The following NRG1 variants were observed in gnomAD, a reference collection of about 807,000 sequenced individuals.
NRG1 encodes the protein neuregulin 1, also known as pro-neuregulin-1, membrane-bound isoform.
In NRG1, 18 loss-of-function variants were observed where a neutral mutation model predicts 63.8. The observed-to-expected ratio is 0.28, with a 90% confidence interval of 0.19 to 0.42. NRG1 has a LOEUF of 0.42. Among genes scored for constraint, NRG1 ranks in the 10% least tolerant of loss-of-function variants. The pLI, the probability that NRG1 is intolerant of heterozygous loss-of-function variation, is 1.00. For synonymous variants in NRG1, 302 were observed against 301.3 expected, an observed-to-expected ratio of 1.00 and a Z score of -0.02; for missense variants, 762 against 814.7, an observed-to-expected ratio of 0.94 and a Z score of 0.79.
Position 32,508,230 on chromosome 8 carries a change from T to C in NRG1, c.38-87598T>C, listed in dbSNP as rs772286278. ...AGGTCAACCTGGGCAATATACAATA[T>C]AGTGAGGCCCTGTAGAGATCTATAA... On this transcript the variant is annotated intron_variant, in intron 1 of 10. Transcript: ENST00000519301. Among the ~76,000 whole-genome samples the C allele has an allele frequency of 8.0e-4, 122 of 152,014 alleles. 1 individual carries two copies. Among genetic ancestry groups the C allele is most frequent in the Middle Eastern group, 3.4e-3 (1 of 294 alleles).
At chr8:32,479,825 A>G (rs1825017493) in intron 1 of NRG1, among the ~76,000 whole-genome samples, 1 of 151,602 alleles carries the variant, frequency 6.6e-6, no homozygotes, top group Non-Finnish European at 1.5e-5. Context: ...AATTTTTTCT[A>G]TTTTGGCAGG....
At chr8:32,223,196 T>C (rs1846000415) in intron 1 of NRG1, among the ~76,000 whole-genome samples, 1 of 152,186 alleles carries the variant, frequency 6.6e-6, no homozygotes, top group Non-Finnish European at 1.5e-5. Context: ...AGACAAGATA[T>C]AAATAAAGAG....
At chr8:32,763,986 C>A in exon 12 of NRG1, 1 of 1,614,082 alleles carries the variant, frequency 6.2e-7, no homozygotes. Context: ...CTCCTTCCAC[C>A]ACAACCCCGC....
At chr8:32,223,125 CAAG>C (rs1247881560) in intron 1 of NRG1, among the ~76,000 whole-genome samples, 1 of 151,966 alleles carries the variant, frequency 6.6e-6, no homozygotes, top group Non-Finnish European at 1.5e-5. Context: ...AAAGAAAAAA[CAAG>C]AATAACTAGA....
chr8:31,776,785 G>T (rs948400953), intron 1 of NRG1, among the ~76,000 whole-genome samples: 1 of 151,968 alleles, frequency 6.6e-6, no homozygotes, highest in African/African-American at 2.4e-5. Flanking sequence ...GGGAACATGC[G>T]GTGTTTGGTT....
At chr8:32,508,451 C>G (rs1368663508) in intron 1 of NRG1, among the ~76,000 whole-genome samples, 1 of 148,222 alleles carries the variant, frequency 6.7e-6, no homozygotes, top group African/African-American at 2.5e-5. Context: ...CCACCATACC[C>G]AGCTAGTTTT....
At chr8:32,306,941 C>T (rs558590522) in intron 1 of NRG1, among the ~76,000 whole-genome samples, 36 of 152,120 alleles carry the variant, frequency 2.4e-4, no homozygotes, top group African/African-American at 8.4e-4. Flanking sequence ...AATTTTAATC[C>T]CTAGCAGGTT....
Position 32,090,445 on chromosome 8 carries a change from C to T in NRG1, c.37+451014C>T, listed in dbSNP as rs151293391. 1.2e-3 allele frequency among the ~76,000 whole-genome samples: 181 copies of T among 152,198 alleles called. 2 individuals are homozygous for T. The Middle Eastern group carries it at 0.017, about 14-fold the overall frequency. The stretch of plus-strand genomic sequence containing the variant: ...AAGTGATTCTCCTGCCTCAGCCTCC[C>T]GAGAAGCTGGGATTATAGGTGCATG... On this transcript the variant is annotated intron_variant, in intron 1 of 10. Transcript: ENST00000519301.
At position 32,366,677 on chromosome 8, in the gene NRG1, GTATA is replaced by G. The variant is rs71208175; in HGVS notation, c.38-229117_38-229114del. On this transcript the variant is annotated intron_variant, in intron 1 of 10. Coordinates refer to the NRG1 transcript ENST00000519301. ...ATTGTGTGTGTGTGTGTGTGTGTGTGTATATATATATATATATATATATATATAT... is the reference window on the plus strand; with the variant it reads ...ATTGTGTGTGTGTGTGTGTGTGTGTGTATATATATATATATATATATATAT... Among the ~76,000 whole-genome samples, 675 of 87,418 alleles carry G rather than the reference GTATA, an allele frequency of 7.7e-3. 5 individuals are homozygous for G. The highest frequency in any genetic ancestry group is 0.022 in the African/African-American group (484 of 21,534). The allele number at this position is 87,418 out of a possible 152,430, so 57.3% of individuals were successfully genotyped here. A position where few individuals can be genotyped will look rare whatever the true frequency, so the allele number is the denominator to read the frequency against.
intron 1 of NRG1, among the ~76,000 whole-genome samples, chr8:32,455,136 C>G (rs1045352162): frequency 6.6e-6 from 1 of 152,140 alleles, no homozygotes; most frequent in South Asian, 2.1e-4. Context: ...GTACCCCCAT[C>G]GTTAAGCAAC....
intron 1 of NRG1, among the ~76,000 whole-genome samples, chr8:32,127,189 AC>A (rs1306464986): frequency 6.6e-6 from 1 of 151,882 alleles, no homozygotes; most frequent in Non-Finnish European, 1.5e-5. Context: ...CAAGTGGCTA[AC>A]CTGTTTTAGA....
At chr8:32,267,832 G>T (rs1391047834) in intron 1 of NRG1, among the ~76,000 whole-genome samples, 1 of 152,138 alleles carries the variant, frequency 6.6e-6, no homozygotes, top group Non-Finnish European at 1.5e-5. Context: ...AAACCATCGT[G>T]CATTTTCCCA....
chr8:31,899,157 G>A (rs553820736), intron 1 of NRG1, among the ~76,000 whole-genome samples: 1 of 151,330 alleles, frequency 6.6e-6, no homozygotes, highest in Non-Finnish European at 1.5e-5. Context: ...AGGCTGGACT[G>A]CAGTGATGTG....
chr8:32,569,797 C>T (rs1419017398), intron 1 of NRG1, among the ~76,000 whole-genome samples: 2 of 151,704 alleles, frequency 1.3e-5, no homozygotes, highest in African/African-American at 4.8e-5. Flanking sequence ...AAACATTTAC[C>T]TTGGGGGTGG....
At chr8:32,768,484 C>T (rs1173878152), downstream of NRG1, among the ~76,000 whole-genome samples, 1 of 152,122 alleles carries the variant, frequency 6.6e-6, no homozygotes, top group East Asian at 1.9e-4. Flanking sequence ...CCACAATTTA[C>T]GGATTCATAA....
chr8:31,678,679 T>C (rs114084731), intron 1 of NRG1, among the ~76,000 whole-genome samples: 2,201 of 149,768 alleles, frequency 0.015, 61 homozygotes, highest in African/African-American at 0.052. Context: ...TTGAAATGAT[T>C]ATTTTAATAT....
chr8:32,123,642 AAT>A (rs1171225349), intron 1 of NRG1, among the ~76,000 whole-genome samples: 2 of 148,884 alleles, frequency 1.3e-5, no homozygotes, highest in African/African-American at 2.4e-5. Context: ...TATATATCAT[AAT>A]ATATATATTA....
At chr8:31,854,558 A>T (rs1457266699) in intron 1 of NRG1, among the ~76,000 whole-genome samples, 1 of 151,774 alleles carries the variant, frequency 6.6e-6, no homozygotes, top group Admixed American at 6.6e-5. Context: ...CTTTCAAAAA[A>T]CCAGCTCCTG....
At chr8:32,178,160 T>C (rs1156308585) in intron 1 of NRG1, among the ~76,000 whole-genome samples, 1 of 152,030 alleles carries the variant, frequency 6.6e-6, no homozygotes, top group African/African-American at 2.4e-5. Context: ...TCAAAATAAA[T>C]TTTGTGGAAT....
Sources: gnomAD v4.1 joint callset for allele counts (sites outside exome capture counted in the v4.1 genomes callset) on GRCh38, gnomAD v4.1.1 for gene constraint, MANE v1.5 for transcripts, NCBI Gene and HGNC (gene_info 2026-07-23, HGNC 2026-07-21) for gene names.